Variants in C1orf167 observed in about 807,000 individuals in gnomAD.
C1orf167 encodes the protein uncharacterized protein C1orf167.
Under a neutral mutation model 176.5 loss-of-function variants are expected in C1orf167, and 153 were observed. That is an observed-to-expected ratio of 0.87 (90% confidence interval 0.76 to 0.99). The LOEUF is 0.99. Among genes scored for constraint, C1orf167 ranks in the 50% least tolerant of loss-of-function variants. The pLI is 0.00. For missense variants in C1orf167, 1,490 were observed against 1,817.7 expected (o/e 0.82, Z 3.28); for synonymous variants, 594 against 752.7 (o/e 0.79, Z 3.45).
intron 10 of C1orf167, chr1:11,778,101 A>G (rs1570411751): frequency 6.6e-6 from 1 of 152,228 alleles, no homozygotes; most frequent in African/African-American, 2.4e-5. Flanking sequence ...CCCCGGGAGC[A>G]TGATGAGGCC....
chr1:11,767,579 T>G (rs1049077429), intron 4 of C1orf167, among the ~76,000 whole-genome samples: 2 of 151,924 alleles, frequency 1.3e-5, no homozygotes, highest in African/African-American at 2.4e-5. Context: ...TCTCAACACT[T>G]CGGGAGACTG....
chr1:11,763,949 G>C (rs546879544), intron 1 of C1orf167, among the ~76,000 whole-genome samples: 3 of 152,304 alleles, frequency 2.0e-5, no homozygotes, highest in African/African-American at 4.8e-5. Context: ...CCGTGGAAAA[G>C]GGGGGCACCA....
Position 11,772,000 on chromosome 1 carries a change from C to T in C1orf167, c.1811-82C>T. The T allele has an allele frequency of 3.6e-6, 4 of 1,118,314 alleles. No individual in the cohort carries two copies. In the South Asian group the frequency reaches 4.6e-5, roughly 13 times the overall value. The allele number at this position is 1,118,314 out of a possible 1,614,324, so 69.3% of individuals were successfully genotyped here. A position where few individuals can be genotyped will look rare whatever the true frequency, so the allele number is the denominator to read the frequency against. On this transcript the variant is annotated intron_variant, in intron 7 of 20. Transcript: ENST00000688073. ...TGGGGGGTGCCCTGCGACAGGCACC[C>T]CACATGTCAGGGGCCCCTCCTGGCT...
rs1168011343 is a variant in C1orf167, at chr1:11,788,265, T to C, written c.3965T>C (p.Val1322Ala). ...CAGGAGGAAGTACCTGCAGCGCCGGTGCCTCGAGGCACTGCTTCACGGGCT... is the reference window on the plus strand; with the variant it reads ...CAGGAGGAAGTACCTGCAGCGCCGGCGCCTCGAGGCACTGCTTCACGGGCT... ...GHQEEVPAAP[V>A]PRGTASRAAG... The change falls in exon 19 of 21, where the codon GTG becomes GCG. Residue 1322 changes from valine to alanine, a missense_variant. Physicochemically the swap from Val to Ala is moderately conservative, Grantham distance 64. Transcript: ENST00000688073. 1.5e-6 allele frequency: 2 copies of C among 1,303,880 alleles called. No individual in the cohort carries two copies. 80.8% of individuals were successfully genotyped at this position (1,303,880 alleles called of 1,614,324 possible).
rs1276031642 is a variant in C1orf167 at position 11,779,803 on chromosome 1, A to T, written c.2653A>T (p.Ile885Phe). 9.2e-6 allele frequency: 12 copies of T among 1,300,608 alleles called. No homozygotes were observed. In the East Asian group the frequency reaches 5.6e-4, roughly 60 times the overall value. 80.6% of individuals were successfully genotyped at this position (1,300,608 alleles called of 1,614,324 possible). A position where few individuals can be genotyped will look rare whatever the true frequency, so the allele number is the denominator to read the frequency against. ...RWYQHTRQRR[I>F]FLSWSRWATA... is the part of the protein sequence containing the mutation. ...CAGGGTGGACCCTCCCTTTCCCAGC[A>T]TCTTCCTCAGCTGGAGCCGCTGGGC... Residue 885 changes from isoleucine to phenylalanine, a missense_variant and splice_region_variant, in exon 13 of 21, where the codon ATC (isoleucine) becomes TTC (phenylalanine). Coordinates refer to ENST00000688073, the MANE Select transcript of C1orf167 (RefSeq NM_001010881.2).
rs1271717791 is a variant in C1orf167, at chr1:11,771,488, G to A, written c.1698-36G>A. Reference sequence around the variant, plus strand: ...TTGGGACCGAGTGCCCTTCCTCCCGGGTCATCAGCTTCTCTCTGGGCAACT... The same window carrying A: ...TTGGGACCGAGTGCCCTTCCTCCCGAGTCATCAGCTTCTCTCTGGGCAACT... On this transcript the variant is annotated intron_variant, in intron 6 of 20. Transcript: ENST00000688073. The A allele has an allele frequency of 1.3e-5, 17 of 1,262,558 alleles. No individual in the cohort carries two copies. In the East Asian group the frequency reaches 7.3e-4, roughly 54 times the overall value. 78.2% of individuals were successfully genotyped at this position (1,262,558 alleles called of 1,614,324 possible). A position where few individuals can be genotyped will look rare whatever the true frequency, so the allele number is the denominator to read the frequency against.
In C1orf167 at chr1:11,789,434, G is replaced by C; in HGVS notation, c.4338G>C (p.Gln1446His). The change falls in exon 21 of 21, where the codon CAG becomes CAC. Residue 1446 changes from glutamine (Q) to histidine (H), a missense_variant. Transcript: ENST00000688073. Reference sequence around the variant, plus strand: ...GGCTTGGGGCAGAGCATGGGGCCCAGCTGCAGCTGTGACTTGTTCTCATAG... The same window carrying C: ...GGCTTGGGGCAGAGCATGGGGCCCACCTGCAGCTGTGACTTGTTCTCATAG... The part of the protein sequence containing the change: ...GWGLGAEHGA[Q>H]LQL 1 of 1,303,920 alleles carries C rather than the reference G, an allele frequency of 7.7e-7. No individual in the cohort carries two copies. Among genetic ancestry groups the C allele is most frequent in the Non-Finnish European group, 1.0e-6 (1 of 988,852 alleles). 80.8% of individuals were successfully genotyped at this position (1,303,920 alleles called of 1,614,324 possible).
At chr1:11,776,437 C>G in intron 9 of C1orf167, 27 bp from the exon 10 acceptor site, 1 of 1,292,800 alleles carries the variant, frequency 7.7e-7, no homozygotes. Flanking sequence ...GGGGAGGCAG[C>G]TGACTGGACT....
At chr1:11,767,314 C>A in intron 4 of C1orf167, 50 bp downstream of exon 4, 9 of 1,254,498 alleles carry the variant, frequency 7.2e-6, no homozygotes, top group Non-Finnish European at 9.4e-6. Context: ...GGGACACGTG[C>A]TCAGGACTCC....
In C1orf167 at chr1:11,766,770, G is replaced by A; in HGVS notation, c.984G>A (p.Glu328=). Residue 328 remains glutamate (E), a synonymous_variant, in exon 3 of 21, where the codon GAG becomes GAA. Transcript: ENST00000688073. The surrounding 1 kb of genome is among the most constrained non-coding windows in gnomAD (Gnocchi z 4.5). ...CACAAAGCAAGCTAATGTCACCTGAGACCACTTTGGGGACACGGACCAAGG... is the reference window on the plus strand; with the variant it reads ...CACAAAGCAAGCTAATGTCACCTGAAACCACTTTGGGGACACGGACCAAGG... ...SWAQSKLMSP[E]TTLGTRTKDS... is the part of the protein sequence containing the mutation. 1 of 1,289,776 alleles carries A rather than the reference G, an allele frequency of 7.8e-7. No individual in the cohort carries two copies. Among genetic ancestry groups the A allele is most frequent in the Non-Finnish European group, 1.0e-6 (1 of 988,854 alleles). The allele number at this position is 1,289,776 out of a possible 1,614,324, so 79.9% of individuals were successfully genotyped here. A position where few individuals can be genotyped will look rare whatever the true frequency, so the allele number is the denominator to read the frequency against.
rs1185108957 is a variant in C1orf167, at chr1:11,776,453, C to T, written c.2165-11C>T. ...GGGAGGCAGCTGACTGGACTCTTGA[C>T]GGTTTCTCAGGACGTGAGGCTGTCT... On this transcript the variant is annotated splice_polypyrimidine_tract_variant and intron_variant, in intron 9 of 20. Transcript: ENST00000688073. 11 of 1,298,818 alleles carry T rather than the reference C, an allele frequency of 8.5e-6. No individual in the cohort carries two copies. Among genetic ancestry groups the T allele is most frequent in the South Asian group, 2.5e-5 (2 of 80,368 alleles). The allele number at this position is 1,298,818 out of a possible 1,614,324, so 80.5% of individuals were successfully genotyped here.
intron 6 of C1orf167, among the ~76,000 whole-genome samples, chr1:11,769,360 A>C (rs1043659527): frequency 6.6e-6 from 1 of 152,290 alleles, no homozygotes; most frequent in African/African-American, 2.4e-5. Flanking sequence ...CTCGGCCAGG[A>C]GTTAGACACC....
intron 16 of C1orf167, chr1:11,787,121 G>A (rs1408430959): frequency 5.4e-6 from 1 of 185,532 alleles, no homozygotes; most frequent in East Asian, 1.5e-4. Flanking sequence ...GGCTTCCGAG[G>A]GATGAGGCCT....
rs750500278 is a variant in C1orf167, at chr1:11,775,459, C to A, written c.2013C>A (p.Phe671Leu). 1 of 1,301,938 alleles carries A rather than the reference C, an allele frequency of 7.7e-7. No individual in the cohort carries two copies. Among genetic ancestry groups the A allele is most frequent in the South Asian group, 1.2e-5 (1 of 80,764 alleles). The allele number at this position is 1,301,938 out of a possible 1,614,324, so 80.6% of individuals were successfully genotyped here. Residue 671 changes from phenylalanine to leucine, a missense_variant, in exon 9 of 21, where the codon TTC (phenylalanine) becomes TTA (leucine). Coordinates refer to ENST00000688073, the MANE Select transcript of C1orf167 (RefSeq NM_001010881.2). ...LCRCFGAWQQ[F>L]VQRGSRYRDH... ...GGTGCTTCGGGGCGTGGCAGCAGTT[C>A]GTGCAAAGAGGGTCCCGGTACCGAG...
At position 11,785,146 on chromosome 1, in the gene C1orf167, A is replaced by C; in HGVS notation, c.3426-2A>C. 1 of 1,284,726 alleles carries C rather than the reference A, an allele frequency of 7.8e-7. No individual in the cohort carries two copies. Among genetic ancestry groups the C allele is most frequent in the East Asian group, 5.6e-5 (1 of 17,754 alleles). 79.6% of individuals were successfully genotyped at this position (1,284,726 alleles called of 1,614,324 possible). A position where few individuals can be genotyped will look rare whatever the true frequency, so the allele number is the denominator to read the frequency against. On this transcript the variant is annotated splice_acceptor_variant, in intron 15 of 20. Coordinates refer to ENST00000688073, the MANE Select transcript of C1orf167 (RefSeq NM_001010881.2). LOFTEE classifies it high-confidence loss of function. ...GGCTGCAGACTCCTTCCTCTCCCGC[A>C]GGGTCCTAGAGGCCTCGGTGCAGTC...
chr1:11,785,412 C>A, intron 16 of C1orf167, 123 bp downstream of exon 16: 2 of 1,045,858 alleles, frequency 1.9e-6, no homozygotes, highest in South Asian at 1.8e-5. Context: ...GGCGGGAGGT[C>A]CAAAAATGAC....
intron 10 of C1orf167, 82 bp downstream of exon 10, chr1:11,776,720 G>A: frequency 2.7e-6 from 3 of 1,111,936 alleles, no homozygotes; most frequent in Non-Finnish European, 2.3e-6. Context: ...GCACCAGGAG[G>A]AATGCGGGAG....
intron 10 of C1orf167, 33 bp from the exon 11 acceptor site, chr1:11,778,627 G>T (rs1194430246): frequency 1.6e-6 from 2 of 1,271,940 alleles, no homozygotes; most frequent in Non-Finnish European, 2.1e-6. Context: ...TGAGGGTGAG[G>T]CTGGGTGGGT....
intron 10 of C1orf167, chr1:11,778,412 G>A: frequency 4.1e-6 from 1 of 244,682 alleles, no homozygotes; most frequent in Non-Finnish European, 8.3e-6. Context: ...TGACCATTAA[G>A]TCAGAATCTA....
Sources: gnomAD v4.1 joint callset for allele counts (sites outside exome capture counted in the v4.1 genomes callset) on GRCh38, gnomAD v4.1.1 for gene constraint, Gnocchi (gnomAD v3.1) non-coding constraint, MANE v1.5 for transcripts, NCBI Gene and HGNC (gene_info 2026-07-23, HGNC 2026-07-21) for gene names.